The following MIDN variants were observed in gnomAD, a reference collection of about 807,000 sequenced individuals.
The protein encoded by MIDN is midnolin.
A neutral mutation model predicts 46.1 loss-of-function variants in MIDN; 26 were observed. That is an observed-to-expected ratio of 0.56 (90% CI 0.41 to 0.78). The LOEUF (loss-of-function observed/expected upper bound fraction) is 0.78, where lower values mean the gene tolerates loss of function less well. Among genes scored for constraint, MIDN ranks in the 30% least tolerant of loss-of-function variants. MIDN has a pLI of 0.00. For missense variants in MIDN, 850 were observed against 771.8 expected (o/e 1.10, Z -1.20); for synonymous variants, 432 against 343.3 (o/e 1.26, Z -2.86).
chr19:1,253,467 A>G (rs956741018), intron 4 of MIDN, among the ~76,000 whole-genome samples: 2 of 143,080 alleles, frequency 1.4e-5, no homozygotes, highest in Admixed American at 7.1e-5. Context: ...GCTCTGGCCC[A>G]TACCCAGAGC....
At chr19:1,253,797 G>A (rs1266110232) in intron 4 of MIDN, 157 bp from the exon 5 acceptor site, 2 of 437,662 alleles carry the variant, frequency 4.6e-6, no homozygotes, top group Admixed American at 5.0e-5. Context: ...AGGATCTAGG[G>A]GCCCATGAGG....
intron 1 of MIDN, among the ~76,000 whole-genome samples, chr19:1,249,544 C>T (rs1179974706): frequency 2.0e-5 from 3 of 149,922 alleles, no homozygotes; most frequent in Non-Finnish European, 4.5e-5. Flanking sequence ...TCCCGCGCCC[C>T]CCGGGGCGCG....
chr19:1,250,269 G>C lies in MIDN; in HGVS notation c.-28G>C. On this transcript the variant is annotated 5_prime_UTR_variant, in exon 2 of 9. Coordinates refer to ENST00000682408, the MANE Select transcript of MIDN (RefSeq NM_001388306.1). The stretch of plus-strand genomic sequence containing the variant: ...GCGGCGAGGATTGGCGGCGCCCGCC[G>C]CCCCCAGCCCCCCAGCGCGCGCCGG... 1.1e-6 allele frequency: 1 copy of C among 905,490 alleles called. No individual in the cohort carries two copies. Among genetic ancestry groups the C allele is most frequent in the Non-Finnish European group, 1.3e-6 (1 of 757,740 alleles). 56.1% of individuals were successfully genotyped at this position (905,490 alleles called of 1,614,324 possible).
intron 2 of MIDN, 67 bp downstream of exon 2, chr19:1,250,596 G>A (rs2081113550): frequency 1.1e-6 from 1 of 905,142 alleles, no homozygotes; most frequent in Non-Finnish European, 1.4e-6. Flanking sequence ...AACAAAGAGC[G>A]CGCCGCGCGG....
At chr19:1,254,843 G>A (rs2145494444) in intron 6 of MIDN, 59 bp from the exon 7 acceptor site, 1 of 1,537,512 alleles carries the variant, frequency 6.5e-7, no homozygotes, top group African/African-American at 1.4e-5. Flanking sequence ...CTGGTCCCTG[G>A]GTTGCTGGTG....
At position 1,258,791 on chromosome 19, in the gene MIDN, C is replaced by G. The variant is rs2081232558; in HGVS notation, c.*1519C>G. ...TGGGTTTTGTTTTGTTTTCATTTTTCCAAAAAAAAAAGAAAAAAAAATAGA... is the reference window on the plus strand; with the variant it reads ...TGGGTTTTGTTTTGTTTTCATTTTTGCAAAAAAAAAAGAAAAAAAAATAGA... On this transcript the variant is annotated 3_prime_UTR_variant, in exon 9 of 9. Coordinates refer to ENST00000682408, the MANE Select transcript of MIDN (RefSeq NM_001388306.1). 1 of 147,700 alleles carries G rather than the reference C, an allele frequency of 6.8e-6. No individual in the cohort carries two copies. The highest frequency in any genetic ancestry group is 1.5e-5 in the Non-Finnish European group (1 of 67,164). The allele number at this position is 147,700 out of a possible 1,614,324, so 9.1% of individuals were successfully genotyped here.
At position 1,250,615 on chromosome 19, in the gene MIDN, G is replaced by A. The variant is rs1053472845; in HGVS notation, c.233+86G>A. ...AAGAGCGCGCCGCGCGGGGAAGGCA[G>A]GGGGCGGCCAGACAGGGGGCGGGGG... is the stretch of plus-strand genomic sequence containing the variant. On this transcript the variant is annotated intron_variant, in intron 2 of 8. Coordinates refer to ENST00000682408, the MANE Select transcript of MIDN (RefSeq NM_001388306.1). 20 of 734,394 alleles carry A rather than the reference G, an allele frequency of 2.7e-5. No individual in the cohort carries two copies. The African/African-American group carries it at 3.9e-4, about 14-fold the overall frequency. The allele number at this position is 734,394 out of a possible 1,614,324, so 45.5% of individuals were successfully genotyped here. A position where few individuals can be genotyped will look rare whatever the true frequency, so the allele number is the denominator to read the frequency against.
At chr19:1,253,428 C>G (rs1036589876) in intron 4 of MIDN, among the ~76,000 whole-genome samples, 7 of 151,446 alleles carry the variant, frequency 4.6e-5, no homozygotes, top group African/African-American at 1.2e-4. Flanking sequence ...GCCACCCCCC[C>G]CCCCATCCCG....
In MIDN at chr19:1,257,069, A is replaced by G; in HGVS notation, c.1333A>G (p.Lys445Glu). 1 of 1,612,462 alleles carries G rather than the reference A, an allele frequency of 6.2e-7. No individual in the cohort carries two copies. Among genetic ancestry groups the G allele is most frequent in the Non-Finnish European group, 8.5e-7 (1 of 1,179,936 alleles). The change falls in exon 9 of 9, where the codon AAA (lysine) becomes GAA (glutamate). Residue 445 changes from lysine (K) to glutamate (E), a missense_variant. Lys to Glu is a moderately conservative substitution (Grantham distance 56). Coordinates refer to ENST00000682408, the MANE Select transcript of MIDN (RefSeq NM_001388306.1). ...ACGGCTGCAGCTGCTTCTGCAGCAG[A>G]AACGGCTCCGTAGAAAGGCCCGGCG... ...VERLQLLLQQ[K>E]RLRRKARRDA...
Position 1,257,374 on chromosome 19 carries a change from G to A in MIDN, c.*102G>A. The A allele has an allele frequency of 1.2e-6, 1 of 867,468 alleles. No homozygotes were observed. Among genetic ancestry groups the A allele is most frequent in the Non-Finnish European group, 1.8e-6 (1 of 542,238 alleles). 53.7% of individuals were successfully genotyped at this position (867,468 alleles called of 1,614,324 possible). Reference sequence around the variant, plus strand: ...GTGGCCCAGCCCTGGAGGGCAGGCGGCCACTCCCCCAGCCAGAAGTCTTTT... The same window carrying A: ...GTGGCCCAGCCCTGGAGGGCAGGCGACCACTCCCCCAGCCAGAAGTCTTTT... On this transcript the variant is annotated 3_prime_UTR_variant, in exon 9 of 9. Coordinates refer to ENST00000682408, the MANE Select transcript of MIDN (RefSeq NM_001388306.1).
At chr19:1,254,816 G>A (rs2081177878) in intron 6 of MIDN, 86 bp from the exon 7 acceptor site, 1 of 1,455,754 alleles carries the variant, frequency 6.9e-7, no homozygotes, top group South Asian at 1.3e-5. Flanking sequence ...CTCCTGACCT[G>A]GGCTGGTGGG....
rs780963972 is a variant in MIDN at position 1,257,339 on chromosome 19, C to T, written c.*67C>T. 4.3e-5 allele frequency: 61 copies of T among 1,414,154 alleles called. No homozygotes were observed. The highest frequency in any genetic ancestry group is 4.7e-4 in the Middle Eastern group (2 of 4,286). The allele number at this position is 1,414,154 out of a possible 1,614,324, so 87.6% of individuals were successfully genotyped here. ...AGGGCGGCGGGGACTCCGAGAGCCCCGGAGAGAACGTGGCCCAGCCCTGGA... is the reference window on the plus strand; with the variant it reads ...AGGGCGGCGGGGACTCCGAGAGCCCTGGAGAGAACGTGGCCCAGCCCTGGA... On this transcript the variant is annotated 3_prime_UTR_variant, in exon 9 of 9. Transcript: ENST00000682408.
At chr19:1,252,047 T>TG in intron 4 of MIDN, 146 bp downstream of exon 4, 1 of 667,168 alleles carries the variant, frequency 1.5e-6, no homozygotes, top group South Asian at 1.7e-5. Flanking sequence ...CAGCCTGGCC[T>TG]GGCCTCCCCA....
At chr19:1,248,914 C>T (rs1390121707) in intron 1 of MIDN, among the ~76,000 whole-genome samples, 2 of 152,014 alleles carry the variant, frequency 1.3e-5, no homozygotes, top group Non-Finnish European at 2.9e-5. Context: ...CCGTTCCGCC[C>T]TCCGTTGCCC....
In MIDN at chr19:1,249,989, G is replaced by C. The variant is rs2081103500; in HGVS notation, c.-308G>C. The C allele has an allele frequency of 6.6e-6, 1 of 151,930 alleles. No homozygotes were observed. Among genetic ancestry groups the C allele is most frequent in the Admixed American group, 6.5e-5 (1 of 15,288 alleles). The allele number at this position is 151,930 out of a possible 1,614,324, so 9.4% of individuals were successfully genotyped here. On this transcript the variant is annotated 5_prime_UTR_variant, in exon 2 of 9. Coordinates refer to ENST00000682408, the MANE Select transcript of MIDN (RefSeq NM_001388306.1). ...CACCCAGCGCCACCAGCCGAGCGGC[G>C]CCCCCTCCCCAGGACCCTTAACCGC...
chr19:1,253,270 C>G (rs2081155507), intron 4 of MIDN, among the ~76,000 whole-genome samples: 1 of 151,894 alleles, frequency 6.6e-6, no homozygotes, highest in African/African-American at 2.4e-5. Flanking sequence ...GGGGCTTCAC[C>G]CTGCCCTCCT....
In MIDN at chr19:1,250,148, G is replaced by A. The variant is rs1314710772; in HGVS notation, c.-149G>A. ...TTGGATTTCGGTCTCGCATTCCGCG[G>A]CCGGGACTTTCTCGAGGAGGACGCG... On this transcript the variant is annotated 5_prime_UTR_variant, in exon 2 of 9. Coordinates refer to ENST00000682408, the MANE Select transcript of MIDN (RefSeq NM_001388306.1). 8 of 188,406 alleles carry A rather than the reference G, an allele frequency of 4.2e-5. No homozygotes were observed. The highest frequency in any genetic ancestry group is 7.9e-5 in the Non-Finnish European group (8 of 101,462). 11.7% of individuals were successfully genotyped at this position (188,406 alleles called of 1,614,324 possible).
intron 6 of MIDN, 133 bp downstream of exon 6, chr19:1,254,611 G>A (rs933061763): frequency 3.0e-6 from 3 of 988,396 alleles, no homozygotes; most frequent in South Asian, 1.5e-5. Flanking sequence ...CTGTGACCTC[G>A]GGCTGGTGGG....
Position 1,257,083 on chromosome 19 carries a change from A to T in MIDN, c.1347A>T (p.Arg449Ser). ...QLLLQQKRLR[R>S]KARRDARGPY... The stretch of plus-strand genomic sequence containing the variant: ...TTCTGCAGCAGAAACGGCTCCGTAG[A>T]AAGGCCCGGCGGGACGCGCGGGGTC... Residue 449 changes from arginine to serine, a missense_variant, in exon 9 of 9, where the codon AGA becomes AGT. Coordinates refer to ENST00000682408, the MANE Select transcript of MIDN (RefSeq NM_001388306.1). The T allele has an allele frequency of 6.2e-7, 1 of 1,612,316 alleles. No individual in the cohort carries two copies. Among genetic ancestry groups the T allele is most frequent in the Non-Finnish European group, 8.5e-7 (1 of 1,179,832 alleles).
Sources: gnomAD v4.1 joint callset for allele counts (sites outside exome capture counted in the v4.1 genomes callset) on GRCh38, gnomAD v4.1.1 for gene constraint, MANE v1.5 for transcripts, NCBI Gene and HGNC (gene_info 2026-07-23, HGNC 2026-07-21) for gene names.